The following OR2L2 variants were observed in gnomAD, a reference collection of about 807,000 sequenced individuals.
OR2L2 encodes the protein olfactory receptor 2L2.
For synonymous variants in OR2L2, 156 were observed against 135.4 expected (o/e 1.15, Z -1.06); for missense variants, 378 against 375.2 (o/e 1.01, Z -0.06).
chr1:248,034,835 C>T (rs1401846429), intron 1 of OR2L2, among the ~76,000 whole-genome samples: 2 of 152,190 alleles, frequency 1.3e-5, no homozygotes, highest in Non-Finnish European at 2.9e-5. Context: ...GCTTCTGACA[C>T]TTTCTGTGAG....
Position 248,039,772 on chromosome 1 carries a change from A to C in OR2L2, c.*566A>C, listed in dbSNP as rs2103098541. On this transcript the variant is annotated 3_prime_UTR_variant, in exon 3 of 3. Coordinates refer to ENST00000641771, the MANE Select transcript of OR2L2 (RefSeq NM_001385855.1). The stretch of plus-strand genomic sequence containing the variant: ...TAAGACAAAAATAACAAATTAGTTA[A>C]AATTACTGAATCTAATTGAATATTA... 6.6e-6 allele frequency: 1 copy of C among 152,344 alleles called. No homozygotes were observed. The highest frequency in any genetic ancestry group is 3.4e-3 in the Middle Eastern group (1 of 294). The allele number at this position is 152,344 out of a possible 1,614,324, so 9.4% of individuals were successfully genotyped here.
In OR2L2 at chr1:248,039,321, GAA is replaced by G. The variant is rs5782452; in HGVS notation, c.*117_*118del. The stretch of plus-strand genomic sequence containing the variant: ...GTGTCAAACAGAAGTTAATCTAGAA[GAA>G]ATTTGTCTTTTAATTTAGTCTTGAC... On this transcript the variant is annotated 3_prime_UTR_variant, in exon 3 of 3. Coordinates refer to ENST00000641771, the MANE Select transcript of OR2L2 (RefSeq NM_001385855.1). 12,449 of 816,782 alleles carry G rather than the reference GAA, an allele frequency of 0.015. 978 individuals carry two copies. The African/African-American group carries it at 0.21, about 14-fold the overall frequency. The allele number at this position is 816,782 out of a possible 1,614,324, so 50.6% of individuals were successfully genotyped here.
Position 248,039,206 on chromosome 1 carries a change from G to A in OR2L2, c.939G>A (p.Ter313=). 7.5e-6 allele frequency: 12 copies of A among 1,603,340 alleles called. No individual in the cohort carries two copies. Among genetic ancestry groups the A allele is most frequent in the Non-Finnish European group, 1.0e-5 (12 of 1,174,524 alleles). The change falls in exon 3 of 3, where the codon TAG becomes TAA. Residue 313 remains the stop codon, a stop_retained_variant. Coordinates refer to ENST00000641771, the MANE Select transcript of OR2L2 (RefSeq NM_001385855.1). ...AGAAAATCTTCTCAGTGAAAATGTA[G>A]ACATACGTTCTGTGTTAGAGTCAAA... ...VIQKIFSVKM[*] is the part of the protein sequence containing the mutation.
intron 1 of OR2L2, among the ~76,000 whole-genome samples, chr1:248,033,789 A>T (rs1420307259): frequency 6.6e-6 from 1 of 151,986 alleles, no homozygotes; most frequent in Non-Finnish European, 1.5e-5. Context: ...TACCAATGTC[A>T]TACTGTTTTG....
chr1:248,030,638 G>T (rs1558190008), intron 1 of OR2L2, among the ~76,000 whole-genome samples: 2 of 152,110 alleles, frequency 1.3e-5, no homozygotes, highest in African/African-American at 4.8e-5. Flanking sequence ...CATGAGTGAT[G>T]TGCGATTGTA....
In OR2L2 at chr1:248,038,837, C is replaced by T. The variant is rs535588863; in HGVS notation, c.570C>T (p.Asp190=). Residue 190 remains aspartate, a synonymous_variant, in exon 3 of 3, where the codon GAC becomes GAT. Transcript: ENST00000641771. ...CTATGTTGACGCTAGCCTGCACAGA[C>T]ACTTGGGTCTATGAGAGCACAGTGT... ...VPAMLTLACT[D]TWVYESTVFL... The T allele has an allele frequency of 1.4e-5, 23 of 1,614,162 alleles. No individual in the cohort carries two copies. In the East Asian group the frequency reaches 3.1e-4, roughly 22 times the overall value.
chr1:248,039,107 C>T lies in OR2L2; in HGVS notation c.840C>T (p.Leu280=). ...DKILAVFYTI[L]TPMLNPIIYS... ...TTCTGGCTGTTTTCTACACCATCCT[C>T]ACCCCAATGCTCAACCCCATCATCT... Residue 280 remains leucine, a synonymous_variant, in exon 3 of 3, where the codon CTC becomes CTT. Coordinates refer to ENST00000641771, the MANE Select transcript of OR2L2 (RefSeq NM_001385855.1). 1 of 1,614,116 alleles carries T rather than the reference C, an allele frequency of 6.2e-7. No homozygotes were observed. Among genetic ancestry groups the T allele is most frequent in the Non-Finnish European group, 8.5e-7 (1 of 1,180,020 alleles).
rs1464162711 is a variant in OR2L2, at chr1:248,040,422, A to G, written c.*1216A>G. 6.6e-6 allele frequency: 1 copy of G among 152,172 alleles called. No homozygotes were observed. Among genetic ancestry groups the G allele is most frequent in the Non-Finnish European group, 1.5e-5 (1 of 68,046 alleles). 9.4% of individuals were successfully genotyped at this position (152,172 alleles called of 1,614,324 possible). Reference sequence around the variant, plus strand: ...AATGACTGAATGGTCCTTGAGCAACACAGATTTGAACTGTGCAGGTCCACA... The same window carrying G: ...AATGACTGAATGGTCCTTGAGCAACGCAGATTTGAACTGTGCAGGTCCACA... On this transcript the variant is annotated 3_prime_UTR_variant, in exon 3 of 3. Coordinates refer to ENST00000641771, the MANE Select transcript of OR2L2 (RefSeq NM_001385855.1).
chr1:248,030,969 A>G (rs1662603254), intron 1 of OR2L2, among the ~76,000 whole-genome samples: 1 of 152,218 alleles, frequency 6.6e-6, no homozygotes, highest in Non-Finnish European at 1.5e-5. Flanking sequence ...TCCTGTGTAT[A>G]ACATCATTAA....
At position 248,041,684 on chromosome 1, in the gene OR2L2, C is replaced by G. The variant is rs1361283828; in HGVS notation, c.*2478C>G. The G allele has an allele frequency of 1.3e-5, 2 of 152,056 alleles. No individual in the cohort carries two copies. Among genetic ancestry groups the G allele is most frequent in the Non-Finnish European group, 2.9e-5 (2 of 68,006 alleles). The allele number at this position is 152,056 out of a possible 1,614,324, so 9.4% of individuals were successfully genotyped here. ...ACAAGAAAAAAACAAACAACCCCAT[C>G]AAAAAGTGGGTGAAGGACATGAACA... On this transcript the variant is annotated 3_prime_UTR_variant, in exon 3 of 3. Transcript: ENST00000641771.
chr1:248,037,758 G>A (rs1662805356), intron 2 of OR2L2, among the ~76,000 whole-genome samples: 1 of 152,066 alleles, frequency 6.6e-6, no homozygotes, highest in Non-Finnish European at 1.5e-5. Context: ...GCTTTCCGTG[G>A]TTTCTCCTGT....
intron 1 of OR2L2, among the ~76,000 whole-genome samples, chr1:248,031,310 A>G (rs919083352): frequency 6.6e-6 from 1 of 152,200 alleles, no homozygotes; most frequent in Admixed American, 6.5e-5. Flanking sequence ...GAGATGCTAC[A>G]TTGGTGTTCA....
Position 248,038,804 on chromosome 1 carries a change from T to C in OR2L2, c.537T>C (p.Asp179=), listed in dbSNP as rs760750594. Residue 179 remains aspartate, a synonymous_variant, in exon 3 of 3, where the codon GAT becomes GAC. Transcript: ENST00000641771. ...GAGCCATCAATCATTTTTTCTGTGA[T>C]GTTCCAGCTATGTTGACGCTAGCCT... ...KSRAINHFFC[D]VPAMLTLACT... 5.0e-6 allele frequency: 8 copies of C among 1,614,238 alleles called. No individual in the cohort carries two copies. The East Asian group carries it at 8.9e-5, about 18-fold the overall frequency.
At position 248,035,622 on chromosome 1, in the gene OR2L2, A is replaced by G. The variant is rs1031632697; in HGVS notation, c.-24A>G. The G allele has an allele frequency of 6.6e-6, 1 of 152,152 alleles. No homozygotes were observed. Among genetic ancestry groups the G allele is most frequent in the Non-Finnish European group, 1.5e-5 (1 of 68,032 alleles). 9.4% of individuals were successfully genotyped at this position (152,152 alleles called of 1,614,324 possible). A position where few individuals can be genotyped will look rare whatever the true frequency, so the allele number is the denominator to read the frequency against. On this transcript the variant is annotated splice_region_variant and 5_prime_UTR_variant, in exon 2 of 3. Transcript: ENST00000641771. ...CCATAACAGACCCTTCCTGAACCCA[A>G]AGGTAAGGACTTCAAATTTTCTTAC... is the stretch of plus-strand genomic sequence containing the variant.
chr1:248,035,005 A>C (rs1015548880), intron 1 of OR2L2, among the ~76,000 whole-genome samples: 1 of 147,134 alleles, frequency 6.8e-6, no homozygotes. Flanking sequence ...AATAAAAATT[A>C]TTTCACTTCT....
At chr1:248,036,986 G>A (rs1247270163) in intron 2 of OR2L2, among the ~76,000 whole-genome samples, 1 of 152,070 alleles carries the variant, frequency 6.6e-6, no homozygotes, top group African/African-American at 2.4e-5. Context: ...TCGTATACGG[G>A]GAGAGCTTGA....
Position 248,038,654 on chromosome 1 carries a change from C to A in OR2L2, c.387C>A (p.Leu129=). 6.2e-7 allele frequency: 1 copy of A among 1,614,194 alleles called. No individual in the cohort carries two copies. Among genetic ancestry groups the A allele is most frequent in the Non-Finnish European group, 8.5e-7 (1 of 1,180,024 alleles). ...YDRYVAICFP[L]HYPIRISKRV... ...GTTATGTGGCCATTTGCTTTCCTCT[C>A]CACTATCCCATCCGTATAAGCAAAA... Residue 129 remains leucine, a synonymous_variant, in exon 3 of 3, where the codon CTC becomes CTA. Transcript: ENST00000641771.
At position 248,042,136 on chromosome 1, in the gene OR2L2, A is replaced by G. The variant is rs970174337; in HGVS notation, c.*2930A>G. ...TCCAACGATGATAGACTGGATTAAG[A>G]AAATGTGGCACATATACACCATGGA... On this transcript the variant is annotated 3_prime_UTR_variant, in exon 3 of 3. Coordinates refer to ENST00000641771, the MANE Select transcript of OR2L2 (RefSeq NM_001385855.1). 1.3e-5 allele frequency: 2 copies of G among 152,152 alleles called. No homozygotes were observed. Among genetic ancestry groups the G allele is most frequent in the African/African-American group, 4.8e-5 (2 of 41,422 alleles). The allele number at this position is 152,152 out of a possible 1,614,324, so 9.4% of individuals were successfully genotyped here. A position where few individuals can be genotyped will look rare whatever the true frequency, so the allele number is the denominator to read the frequency against.
At position 248,041,733 on chromosome 1, in the gene OR2L2, T is replaced by TGAAGCCAAAAGAAGAC. The variant is rs1242560056; in HGVS notation, c.*2527_*2528insGAAGCCAAAAGAAGAC. ...CAGACACTTCTCAAAAGAAGACATT[T>TGAAGCCAAAAGAAGAC]ATGCAGCCAAAAAACACATGAAAAA... is the stretch of plus-strand genomic sequence containing the variant. On this transcript the variant is annotated 3_prime_UTR_variant, in exon 3 of 3. Transcript: ENST00000641771. 5.3e-5 allele frequency: 8 copies of TGAAGCCAAAAGAAGAC among 152,084 alleles called. No homozygotes were observed. The highest frequency in any genetic ancestry group is 1.0e-4 in the Non-Finnish European group (7 of 68,020). The allele number at this position is 152,084 out of a possible 1,614,324, so 9.4% of individuals were successfully genotyped here. A position where few individuals can be genotyped will look rare whatever the true frequency, so the allele number is the denominator to read the frequency against.
Sources: allele counts gnomAD v4.1 joint callset (sites outside exome capture counted in the v4.1 genomes callset), GRCh38; gene constraint gnomAD v4.1.1; transcripts MANE v1.5; gene names NCBI Gene and HGNC (gene_info 2026-07-23, HGNC 2026-07-21).